MAGI2: variants seen among roughly 807,000 people sequenced by gnomAD.
MAGI2 encodes the protein membrane-associated guanylate kinase, WW and PDZ domain-containing protein 2.
MAGI2 carries 35 observed loss-of-function variants against 133.3 expected under a neutral mutation model. The ratio of observed to expected loss-of-function variants is 0.26; its 90% CI spans 0.20 to 0.35. The LOEUF (loss-of-function observed/expected upper bound fraction) is 0.35. Among genes scored for constraint, MAGI2 ranks in the 10% least tolerant of loss-of-function variants. The probability of loss-of-function intolerance (pLI) is 1.00; values close to 1 mark genes in which losing one functional copy is unlikely to be tolerated. For missense variants in MAGI2, 1,636 were observed against 1,863.4 expected, an observed-to-expected ratio of 0.88 and a Z score of 2.25; for synonymous variants, 729 against 710.6, an observed-to-expected ratio of 1.03 and a Z score of -0.41.
intron 6 of MAGI2, among the ~76,000 whole-genome samples, chr7:78,410,022 G>A (rs989832141): frequency 6.6e-6 from 1 of 151,930 alleles, no homozygotes; most frequent in African/African-American, 2.4e-5. Flanking sequence ...ATCAGCTAAT[G>A]GAACATGGAT....
intron 1 of MAGI2, among the ~76,000 whole-genome samples, chr7:79,074,466 T>C (rs1462288417): frequency 2.0e-5 from 3 of 152,196 alleles, no homozygotes; most frequent in African/African-American, 7.2e-5. Context: ...TGACATTTCA[T>C]TCAAAAGTTA....
chr7:78,664,359 C>T (rs1024831708), intron 2 of MAGI2, among the ~76,000 whole-genome samples: 17 of 151,980 alleles, frequency 1.1e-4, no homozygotes, highest in South Asian at 2.1e-4. Flanking sequence ...ATATATTTTA[C>T]GGAAGTGTAA....
At chr7:78,218,498 T>C (rs1034883855) in intron 10 of MAGI2, among the ~76,000 whole-genome samples, 2 of 152,206 alleles carry the variant, frequency 1.3e-5, no homozygotes, top group South Asian at 4.1e-4. Context: ...AAGCATATTG[T>C]TAACAATTAA....
chr7:78,897,501 A>G (rs1163247086), intron 2 of MAGI2, among the ~76,000 whole-genome samples: 1 of 152,246 alleles, frequency 6.6e-6, no homozygotes, highest in Non-Finnish European at 1.5e-5. Context: ...AAACATAACC[A>G]TTATTAAAAA....
At chr7:79,346,102 G>T (rs1225736428) in intron 1 of MAGI2, among the ~76,000 whole-genome samples, 1 of 151,990 alleles carries the variant, frequency 6.6e-6, no homozygotes, top group Non-Finnish European at 1.5e-5. Context: ...CATAATTTTT[G>T]AGGGAAAAGT....
At chr7:79,255,435 G>C (rs1213990130) in intron 1 of MAGI2, among the ~76,000 whole-genome samples, 1 of 152,048 alleles carries the variant, frequency 6.6e-6, no homozygotes, top group African/African-American at 2.4e-5. Flanking sequence ...CTGAGGGTAT[G>C]AACACAATAC....
rs184975746 is a variant in MAGI2, at chr7:78,261,657, G to A, written c.1409-5076C>T. On this transcript the variant is annotated intron_variant, in intron 9 of 21. Coordinates refer to ENST00000354212, the MANE Select transcript of MAGI2 (RefSeq NM_012301.4). ...TGTTTCTAACTTCTGTTTTTGCCAG[G>A]TTATCCAGATTTTCGATAAAAGAAA... Among the ~76,000 whole-genome samples the A allele has an allele frequency of 9.4e-3, 1,428 of 151,952 alleles. 13 individuals carry two copies. The highest frequency in any genetic ancestry group is 0.032 in the African/African-American group (1,343 of 41,454).
In MAGI2 at chr7:78,019,902, C is replaced by G. The variant is rs779750379; in HGVS notation, c.3781G>C (p.Gly1261Arg). The change falls in exon 22 of 22, where the codon GGC (glycine) becomes CGC (arginine). Residue 1261 changes from glycine to arginine, a missense_variant. Gly to Arg is a moderately radical substitution (Grantham distance 125). Around this residue, in one of 5 missense-constraint regions of MAGI2, gnomAD observed 354 missense variants for 298.7 expected, o/e 1.19. Coordinates refer to ENST00000354212, the MANE Select transcript of MAGI2 (RefSeq NM_012301.4). ...LPEVGVSLDDGLAPFSPSHPA... is the reference protein window; with the variant it reads ...LPEVGVSLDDRLAPFSPSHPA... ...TGTGATGGAGAGAATGGAGCGAGGC[C>G]GTCGTCCAGGGAGACGCCTACTTCC... The G allele has an allele frequency of 1.2e-6, 2 of 1,610,800 alleles. No individual in the cohort carries two copies. Among genetic ancestry groups the G allele is most frequent in the South Asian group, 1.1e-5 (1 of 90,452 alleles).
At chr7:78,921,086 G>A (rs1347334911) in intron 2 of MAGI2, among the ~76,000 whole-genome samples, 1 of 151,760 alleles carries the variant, frequency 6.6e-6, no homozygotes, top group African/African-American at 2.4e-5. Flanking sequence ...AGGTTATGAA[G>A]TTGATTATAG....
intron 1 of MAGI2, among the ~76,000 whole-genome samples, chr7:79,387,586 T>C (rs190996292): frequency 6.6e-6 from 1 of 152,238 alleles, no homozygotes; most frequent in East Asian, 1.9e-4. Flanking sequence ...CTCTCTGGTA[T>C]TCCAATTTTG....
chr7:78,903,874 C>T (rs1298204923), intron 2 of MAGI2: 1 of 152,222 alleles, frequency 6.6e-6, no homozygotes, highest in Non-Finnish European at 1.5e-5. Context: ...CTTCTTTATT[C>T]CCTGTTGCAC....
rs78663186 is a variant in MAGI2 at position 78,712,507 on chromosome 7, C to A, written c.419-85268G>T. Among the ~76,000 whole-genome samples the A allele has an allele frequency of 6.8e-3, 1,040 of 152,304 alleles. 19 individuals carry two copies. Among genetic ancestry groups the A allele is most frequent in the African/African-American group, 0.024 (992 of 41,566 alleles). ...CCAGTGCAAGCTAACGCTGCAGTAT[C>A]TTTGCTTTTTTATCAGCTAAACTAA... On this transcript the variant is annotated intron_variant, in intron 2 of 21. Coordinates refer to ENST00000354212, the MANE Select transcript of MAGI2 (RefSeq NM_012301.4).
intron 1 of MAGI2, among the ~76,000 whole-genome samples, chr7:79,088,769 A>C (rs892306883): frequency 1.3e-5 from 2 of 152,026 alleles, no homozygotes; most frequent in Non-Finnish European, 2.9e-5. Flanking sequence ...TGAGATAATC[A>C]TGTGTTTTTT....
intron 16 of MAGI2, among the ~76,000 whole-genome samples, chr7:78,157,934 C>T (rs1008534419): frequency 2.0e-5 from 3 of 152,152 alleles, no homozygotes; most frequent in South Asian, 2.1e-4. Flanking sequence ...TGCACATATT[C>T]GCTGAGGTTT....
At chr7:78,663,569 G>C (rs1274091977) in intron 2 of MAGI2, among the ~76,000 whole-genome samples, 2 of 152,012 alleles carry the variant, frequency 1.3e-5, no homozygotes, top group Non-Finnish European at 2.9e-5. Flanking sequence ...TGCTTGTAAG[G>C]CATAACTGAG....
chr7:79,362,716 C>T (rs980454028), intron 1 of MAGI2, among the ~76,000 whole-genome samples: 2 of 151,904 alleles, frequency 1.3e-5, no homozygotes, highest in Non-Finnish European at 2.9e-5. Context: ...CAGATAAAGC[C>T]TTGGATGAAA....
intron 1 of MAGI2, among the ~76,000 whole-genome samples, chr7:79,354,595 G>T (rs984313775): frequency 6.6e-6 from 1 of 152,096 alleles, no homozygotes; most frequent in Non-Finnish European, 1.5e-5. Context: ...GAATCTTGTG[G>T]GGAAGGGAAG....
intron 1 of MAGI2, among the ~76,000 whole-genome samples, chr7:79,200,505 G>T (rs968173518): frequency 6.6e-6 from 1 of 151,470 alleles, no homozygotes; most frequent in Admixed American, 6.6e-5. Context: ...CACCTACTTG[G>T]GGGGCTGAGG....
intron 1 of MAGI2, among the ~76,000 whole-genome samples, chr7:79,159,569 T>C (rs1459754320): frequency 1.3e-5 from 2 of 150,802 alleles, no homozygotes; most frequent in Non-Finnish European, 3.0e-5. Flanking sequence ...TTTATACAGA[T>C]GGGTCTTTTA....
Sources: allele counts gnomAD v4.1 joint callset (sites outside exome capture counted in the v4.1 genomes callset), GRCh38; gene constraint gnomAD v4.1.1; regional missense constraint gnomAD v4.1.1; transcripts MANE v1.5; gene names NCBI Gene and HGNC (gene_info 2026-07-23, HGNC 2026-07-21).